The following CRTAP variants were observed in gnomAD, a reference collection of about 807,000 sequenced individuals.
The protein encoded by CRTAP is cartilage associated protein, also known as cartilage-associated protein.
Under a neutral mutation model 42.7 loss-of-function variants are expected in CRTAP, and 33 were observed. The observed-to-expected ratio is 0.77, with a 90% CI of 0.59 to 1.03. The LOEUF (loss-of-function observed/expected upper bound fraction) is 1.03. Among genes scored for constraint, CRTAP ranks in the 50% least tolerant of loss-of-function variants. CRTAP has a pLI of 0.00. For missense variants in CRTAP, 613 were observed against 533.9 expected (o/e 1.15, Z -1.46); for synonymous variants, 243 against 217.7 (o/e 1.12, Z -1.02).
At chr3:33,127,509 G>A (rs567261612) in intron 3 of CRTAP, among the ~76,000 whole-genome samples, 99 of 152,034 alleles carry the variant, frequency 6.5e-4, no homozygotes, top group Non-Finnish European at 1.1e-3. Flanking sequence ...GTGCAACGGC[G>A]CGATCTCGGC....
intron 3 of CRTAP, among the ~76,000 whole-genome samples, chr3:33,129,336 T>C (rs907841432): frequency 2.6e-5 from 4 of 152,160 alleles, no homozygotes; most frequent in African/African-American, 7.2e-5. Context: ...TAGTTTAAAT[T>C]ATTTTGGGGG....
chr3:33,129,778 T>C (rs887550742), intron 3 of CRTAP, among the ~76,000 whole-genome samples, 161 bp from the exon 4 acceptor site: 3 of 151,992 alleles, frequency 2.0e-5, no homozygotes, highest in East Asian at 1.9e-4. Flanking sequence ...ACCTTGTGAT[T>C]CGCCCGCCTC....
Position 33,129,945 on chromosome 3 carries a change from A to T in CRTAP, c.800A>T (p.Tyr267Phe). Residue 267 changes from tyrosine to phenylalanine, a missense_variant, in exon 4 of 7, where the codon TAT becomes TTT. By Grantham distance (22) the Tyr-to-Phe change is conservative. Transcript: ENST00000320954. ...KDFYLSIADH[Y>F]VEVLECKIQC... ...TTTATATGTTTTGTTTCAGATCATTATGTAGAAGTTCTGGAATGCAAAATA... is the reference window on the plus strand; with the variant it reads ...TTTATATGTTTTGTTTCAGATCATTTTGTAGAAGTTCTGGAATGCAAAATA... 1 of 1,613,218 alleles carries T rather than the reference A, an allele frequency of 6.2e-7. No homozygotes were observed. The highest frequency in any genetic ancestry group is 1.3e-5 in the African/African-American group (1 of 75,028).
At chr3:33,117,892 T>G (rs1426386725) in intron 1 of CRTAP, among the ~76,000 whole-genome samples, 12 of 152,256 alleles carry the variant, frequency 7.9e-5, no homozygotes, top group Non-Finnish European at 1.5e-5. Context: ...AGATTCCGTT[T>G]TGTAAAACAT....
At chr3:33,125,698 ATAT>A (rs2030045389) in intron 3 of CRTAP, among the ~76,000 whole-genome samples, 1 of 152,034 alleles carries the variant, frequency 6.6e-6, no homozygotes, top group African/African-American at 2.4e-5. Flanking sequence ...TCCAAATGCC[ATAT>A]TATTTCATTT....
intron 2 of CRTAP, among the ~76,000 whole-genome samples, chr3:33,122,215 G>A (rs2029898915): frequency 6.6e-6 from 1 of 152,150 alleles, no homozygotes; most frequent in Non-Finnish European, 1.5e-5. Context: ...GAGCCCTTTT[G>A]GGGTGGCTGT....
At chr3:33,130,127 A>G in intron 4 of CRTAP, 60 bp downstream of exon 4, 1 of 1,523,902 alleles carries the variant, frequency 6.6e-7, no homozygotes, top group East Asian at 2.3e-5. Flanking sequence ...ACTGTAAAAT[A>G]GAGGTAATAA....
chr3:33,137,067 G>A (rs1236480840), intron 6 of CRTAP, among the ~76,000 whole-genome samples: 1 of 131,852 alleles, frequency 7.6e-6, no homozygotes, highest in Non-Finnish European at 1.8e-5. Context: ...ACTTAATATT[G>A]TCTTTTTTTT....
intron 2 of CRTAP, 31 bp downstream of exon 2, chr3:33,120,524 G>A (rs1471131658): frequency 5.1e-6 from 8 of 1,576,072 alleles, no homozygotes; most frequent in African/African-American, 1.4e-5. Context: ...GGCAGTTAGT[G>A]GCAACCTGGA....
At position 33,114,108 on chromosome 3, in the gene CRTAP, C is replaced by T; in HGVS notation, c.31C>T (p.Leu11=). 6.7e-7 allele frequency: 1 copy of T among 1,499,750 alleles called. No homozygotes were observed. The highest frequency in any genetic ancestry group is 8.8e-7 in the Non-Finnish European group (1 of 1,134,200). 92.9% of individuals were successfully genotyped at this position (1,499,750 alleles called of 1,614,324 possible). The change falls in exon 1 of 7, where the codon CTG becomes TTG. Residue 11 remains leucine (L), a synonymous_variant. Transcript: ENST00000320954. Reference sequence around the variant, plus strand: ...GCCGGGGCGCCGGGGGGCCGCGGCGCTGCTAGCGCTGCTGTGCGTGGCCTG... The same window carrying T: ...GCCGGGGCGCCGGGGGGCCGCGGCGTTGCTAGCGCTGCTGTGCGTGGCCTG... MEPGRRGAAA[L]LALLCVACAL...
chr3:33,133,467 C>T (rs371821668), intron 5 of CRTAP, among the ~76,000 whole-genome samples: 1 of 151,726 alleles, frequency 6.6e-6, no homozygotes, highest in Non-Finnish European at 1.5e-5. Flanking sequence ...CTGGGCTAGT[C>T]TCGAACTCCT....
chr3:33,137,415 A>G (rs962233288), intron 6 of CRTAP, among the ~76,000 whole-genome samples: 1 of 152,230 alleles, frequency 6.6e-6, no homozygotes, highest in Non-Finnish European at 1.5e-5. Context: ...TGCTGGGATT[A>G]CAGGCGTGAG....
chr3:33,124,510 G>T lies in CRTAP; in HGVS notation c.724G>T (p.Glu242Ter). The T allele has an allele frequency of 6.2e-7, 1 of 1,614,202 alleles. No individual in the cohort carries two copies. Among genetic ancestry groups the T allele is most frequent in the Non-Finnish European group, 8.5e-7 (1 of 1,180,046 alleles). ...ALPDFFKAFYECLAACEGSRE... is the reference protein window; with the variant it reads ...ALPDFFKAFY Reference sequence around the variant, plus strand: ...TCCCGACTTCTTCAAAGCCTTTTACGAGTGTCTCGCAGCCTGCGAGGGTTC... The same window carrying T: ...TCCCGACTTCTTCAAAGCCTTTTACTAGTGTCTCGCAGCCTGCGAGGGTTC... The change falls in exon 3 of 7, where the codon GAG becomes TAG. Residue 242 changes from glutamate (E) to a stop codon, truncating the protein, a stop_gained. Transcript: ENST00000320954. LOFTEE classifies it high-confidence loss of function.
At chr3:33,126,847 G>A (rs1018522674) in intron 3 of CRTAP, among the ~76,000 whole-genome samples, 1 of 152,184 alleles carries the variant, frequency 6.6e-6, no homozygotes, top group African/African-American at 2.4e-5. Flanking sequence ...ACCCAAAGTG[G>A]GAGGGGGTTT....
In CRTAP at chr3:33,137,210, G is replaced by A. The variant is rs533946341; in HGVS notation, c.1152+2945G>A. On this transcript the variant is annotated intron_variant, in intron 6 of 6. Coordinates refer to ENST00000320954, the MANE Select transcript of CRTAP (RefSeq NM_006371.5). ...GGCTGGAGTGCAATGGTGCGATCTCGGCTCACTGCAACCTCCGCCTCCCAG... is the reference window on the plus strand; with the variant it reads ...GGCTGGAGTGCAATGGTGCGATCTCAGCTCACTGCAACCTCCGCCTCCCAG... Among the ~76,000 whole-genome samples, 9 of 152,052 alleles carry A rather than the reference G, an allele frequency of 5.9e-5. No individual in the cohort carries two copies. In the South Asian group the frequency reaches 8.3e-4, roughly 14 times the overall value.
At chr3:33,117,155 G>A (rs952667941) in intron 1 of CRTAP, among the ~76,000 whole-genome samples, 3 of 152,180 alleles carry the variant, frequency 2.0e-5, no homozygotes, top group African/African-American at 7.2e-5. Context: ...TGGATAGAGA[G>A]GAAAAGATGG....
chr3:33,114,234 G>T lies in CRTAP; in HGVS notation c.157G>T (p.Asp53Tyr). The change falls in exon 1 of 7, where the codon GAC becomes TAC. Residue 53 changes from aspartate to tyrosine, a missense_variant. Transcript: ENST00000320954. ...PLESAYRHAL[D>Y]KYSGEHWAES... ...CGAGTCGGCCTACCGGCACGCGCTGGACAAGTACAGCGGCGAGCACTGGGC... is the reference window on the plus strand; with the variant it reads ...CGAGTCGGCCTACCGGCACGCGCTGTACAAGTACAGCGGCGAGCACTGGGC... 1.3e-6 allele frequency: 2 copies of T among 1,591,870 alleles called. No individual in the cohort carries two copies. The highest frequency in any genetic ancestry group is 1.7e-6 in the Non-Finnish European group (2 of 1,175,174).
chr3:33,114,595 C>A, intron 1 of CRTAP, 47 bp downstream of exon 1: 2 of 1,531,038 alleles, frequency 1.3e-6, no homozygotes, highest in Non-Finnish European at 1.8e-6. Flanking sequence ...GCCCCTGACC[C>A]AGCCTCCAGG....
intron 3 of CRTAP, among the ~76,000 whole-genome samples, chr3:33,127,089 A>G (rs1335024409): frequency 7.4e-6 from 1 of 135,728 alleles, no homozygotes. Flanking sequence ...ATTATGAGAG[A>G]GATTTGTGGC....
Sources: gnomAD v4.1 joint callset for allele counts (sites outside exome capture counted in the v4.1 genomes callset) on GRCh38, gnomAD v4.1.1 for gene constraint, MANE v1.5 for transcripts, NCBI Gene and HGNC (gene_info 2026-07-23, HGNC 2026-07-21) for gene names.